Variants in NBPF14 observed in about 807,000 individuals in gnomAD.
NBPF14 encodes the protein NBPF member 14, also known as NBPF family member NBPF14.
NBPF14 carries 104 observed loss-of-function variants against 91.2 expected under a neutral mutation model. That is an observed-to-expected ratio of 1.14 (90% CI 0.97 to 1.34). The LOEUF (loss-of-function observed/expected upper bound fraction) is 1.34, where lower values mean the gene tolerates loss of function less well. Ranked by LOEUF, NBPF14 falls within the 40% of genes most tolerant of loss-of-function variation. NBPF14 has a pLI of 0.00. For missense variants in NBPF14, 908 were observed against 783.0 expected (o/e 1.16, Z -1.91); for synonymous variants, 294 against 303.8 (o/e 0.97, Z 0.34).
At chr1:148,534,496 G>C (rs376834111) in intron 69 of NBPF14, among the ~76,000 whole-genome samples, 188 bp downstream of exon 69, 4 of 151,880 alleles carry the variant, frequency 2.6e-5, no homozygotes, top group Non-Finnish European at 4.4e-5. Context: ...AGAGAGTCTT[G>C]CTCACTGACC....
At chr1:148,536,050 A>G (rs1655149650) in intron 67 of NBPF14, among the ~76,000 whole-genome samples, 174 bp downstream of exon 67, 1 of 149,860 alleles carries the variant, frequency 6.7e-6, no homozygotes, top group Non-Finnish European at 1.5e-5. Flanking sequence ...TCACTGACCC[A>G]TCCCTTGTCT....
chr1:148,575,613 T>C, intron 17 of NBPF14, 26 bp downstream of exon 17: 1 of 139,414 alleles, frequency 7.2e-6, no homozygotes, highest in East Asian at 1.7e-4. Flanking sequence ...GGTGGAGGCT[T>C]ATCACCTTCA....
In NBPF14 at chr1:148,594,846, C is replaced by T. The variant is rs1254750276; in HGVS notation, c.175+697G>A. On this transcript the variant is annotated intron_variant, in intron 2 of 70. Transcript: ENST00000619423. ...CCGATTAGTGGTGATTACAGTTGCC[C>T]GCCAGGATGCCCATCCACTTTTTGT... Among the ~76,000 whole-genome samples the T allele has an allele frequency of 1.3e-4, 11 of 86,212 alleles. 4 individuals carry two copies. In the South Asian group the frequency reaches 4.6e-3, roughly 36 times the overall value. The allele number at this position is 86,212 out of a possible 152,430, so 56.6% of individuals were successfully genotyped here. A position where few individuals can be genotyped will look rare whatever the true frequency, so the allele number is the denominator to read the frequency against.
chr1:148,577,610 G>T (rs1272255262), intron 14 of NBPF14, among the ~76,000 whole-genome samples: 11 of 149,578 alleles, frequency 7.4e-5, no homozygotes, highest in Admixed American at 2.6e-4. Context: ...CAGTCAATTG[G>T]TCAGGTGACA....
intron 4 of NBPF14, among the ~76,000 whole-genome samples, chr1:148,591,705 C>A (rs1307133636): frequency 1.4e-5 from 2 of 148,022 alleles, no homozygotes; most frequent in African/African-American, 2.4e-5. Flanking sequence ...GGGCCACCAT[C>A]AAGATGTGGC....
rs1232425997 is a variant in NBPF14 at position 148,590,073 on chromosome 1, G to C, written c.779-680C>G. ...TTTTTTTTTTTTTTTTTTTGAGATG[G>C]AGTCTCGCTCTGTCTCCCAGGCTGG... On this transcript the variant is annotated intron_variant, in intron 6 of 70. Coordinates refer to ENST00000619423, the Ensembl canonical transcript of NBPF14. 2.7e-4 allele frequency among the ~76,000 whole-genome samples: 33 copies of C among 122,458 alleles called. 1 individual carries two copies. The highest frequency in any genetic ancestry group is 4.5e-4 in the Non-Finnish European group (26 of 57,156). 80.3% of individuals were successfully genotyped at this position (122,458 alleles called of 152,430 possible).
chr1:148,591,480 T>C (rs2149581092), exon 5 of NBPF14: 1 of 1,607,222 alleles, frequency 6.2e-7, no homozygotes, highest in East Asian at 2.2e-5. Flanking sequence ...AACTTGAACA[T>C]CTTCATCCTC....
exon 71 of NBPF14, chr1:148,533,195 A>T: frequency 1.5e-6 from 1 of 683,036 alleles, no homozygotes; most frequent in East Asian, 2.8e-5. Context: ...ACATCTATCC[A>T]GTGAGTCCTG....
intron 15 of NBPF14, among the ~76,000 whole-genome samples, chr1:148,576,751 A>T (rs1336361782): frequency 2.0e-5 from 3 of 146,488 alleles, no homozygotes; most frequent in African/African-American, 7.4e-5. Flanking sequence ...GATTTAAAGC[A>T]ATTGCCCCCA....
intron 11 of NBPF14, among the ~76,000 whole-genome samples, chr1:148,584,084 T>C (rs1328737851): frequency 2.0e-5 from 3 of 151,108 alleles, no homozygotes; most frequent in African/African-American, 4.9e-5. Flanking sequence ...TGGGGAACGA[T>C]ATTTCCAAAT....
chr1:148,577,630 G>T (rs1372768506), intron 14 of NBPF14, among the ~76,000 whole-genome samples: 1 of 149,556 alleles, frequency 6.7e-6, no homozygotes, highest in Non-Finnish European at 1.5e-5. Flanking sequence ...ACACTGATGA[G>T]GGAGTCAAAG....
In NBPF14 at chr1:148,567,053, C is replaced by A. The variant is rs2149517984; in HGVS notation, c.3491-50G>T. On this transcript the variant is annotated intron_variant, in intron 27 of 70. Coordinates refer to ENST00000619423, the Ensembl canonical transcript of NBPF14. The stretch of plus-strand genomic sequence containing the variant: ...GACAAAATAAGCCAATTCACCTACA[C>A]CCATAACAGTCCACTGTCTAATCCC... 2.5e-5 allele frequency: 5 copies of A among 199,830 alleles called. No homozygotes were observed. In the East Asian group the frequency reaches 6.4e-4, roughly 25 times the overall value. The allele number at this position is 199,830 out of a possible 1,614,324, so 12.4% of individuals were successfully genotyped here. A position where few individuals can be genotyped will look rare whatever the true frequency, so the allele number is the denominator to read the frequency against.
At chr1:148,559,721 A>T in intron 37 of NBPF14, 72 bp downstream of exon 37, 1 of 807,000 alleles carries the variant, frequency 1.2e-6, no homozygotes, top group Non-Finnish European at 2.0e-6. Flanking sequence ...AGTAAGGGCC[A>T]CTTGCAGTAG....
At chr1:148,575,904 TAAAAAG>T (rs1320111603) in intron 16 of NBPF14, 93 bp from the exon 17 acceptor site, 6 of 319,370 alleles carry the variant, frequency 1.9e-5, no homozygotes, top group African/African-American at 5.0e-5. Flanking sequence ...AGGAACTGTT[TAAAAAG>T]AAAAAGGACA....
intron 67 of NBPF14, among the ~76,000 whole-genome samples, 153 bp downstream of exon 67, chr1:148,536,071 G>C (rs1404779691): frequency 9.4e-5 from 14 of 149,710 alleles, no homozygotes; most frequent in Non-Finnish European, 2.0e-4. Context: ...GGGCTTCCAA[G>C]TGGAACTAGA....
At chr1:148,566,409 A>T in intron 28 of NBPF14, 94 bp from the exon 29 acceptor site, 1 of 622,858 alleles carries the variant, frequency 1.6e-6, no homozygotes, top group Non-Finnish European at 2.9e-6. Flanking sequence ...GGAAGTGGTT[A>T]AAAAACTAAA....
At position 148,559,908 on chromosome 1, in the gene NBPF14, A is replaced by C. The variant is rs1231514307; in HGVS notation, c.4614T>G (p.Asp1538Glu). ...AACCTGAAGGAGTTGAATAACATCT[A>C]TCCAGTGAGTCCTGCAAGACTTCAG... is the stretch of plus-strand genomic sequence containing the variant. The change falls in exon 37 of 71, where the codon GAT becomes GAG. Residue 1538 changes from aspartate to glutamate, a missense_variant. Physicochemically the swap from Asp to Glu is conservative, Grantham distance 45. Transcript: ENST00000619423. 2.0e-5 allele frequency: 26 copies of C among 1,279,526 alleles called. 1 individual carries two copies. Among genetic ancestry groups the C allele is most frequent in the Admixed American group, 8.9e-5 (5 of 56,044 alleles). 79.3% of individuals were successfully genotyped at this position (1,279,526 alleles called of 1,614,324 possible).
chr1:148,581,533 G>T (rs1660940001), intron 12 of NBPF14, among the ~76,000 whole-genome samples: 1 of 151,866 alleles, frequency 6.6e-6, no homozygotes, highest in Admixed American at 6.5e-5. Flanking sequence ...CATTCTGAAA[G>T]AAAAGAATTT....
At chr1:148,587,357 C>A in exon 8 of NBPF14, 2 of 1,583,318 alleles carry the variant, frequency 1.3e-6, no homozygotes, top group Non-Finnish European at 1.7e-6. Flanking sequence ...TGAACTGTCG[C>A]TCATTCCTCA....
Sources: gnomAD v4.1 joint callset for allele counts (sites outside exome capture counted in the v4.1 genomes callset) on GRCh38, gnomAD v4.1.1 for gene constraint, MANE v1.5 for transcripts, NCBI Gene and HGNC (gene_info 2026-07-23, HGNC 2026-07-21) for gene names.